CDH12: variants seen among roughly 807,000 people sequenced by gnomAD.
CDH12 encodes cadherin 12.
A neutral mutation model predicts 74.1 loss-of-function variants in CDH12; 41 were observed. The ratio of observed to expected loss-of-function variants is 0.55; its 90% confidence interval spans 0.43 to 0.72. The LOEUF (loss-of-function observed/expected upper bound fraction) is 0.72. Among genes scored for constraint, CDH12 ranks in the 30% least tolerant of loss-of-function variants. The pLI is 0.00. For missense variants in CDH12, 945 were observed against 977.2 expected, an observed-to-expected ratio of 0.97 and a Z score of 0.44; for synonymous variants, 399 against 355.0, an observed-to-expected ratio of 1.12 and a Z score of -1.39.
chr5:22,665,991 C>T (rs1487143058), intron 1 of CDH12, among the ~76,000 whole-genome samples: 1 of 152,124 alleles, frequency 6.6e-6, no homozygotes, highest in Non-Finnish European at 1.5e-5. Context: ...CCAGCCCAGA[C>T]GCTTTCTGCC....
At chr5:22,737,290 T>C (rs4701297) in intron 1 of CDH12, among the ~76,000 whole-genome samples, 43,313 of 151,718 alleles carry the variant, frequency 0.29, 6,518 homozygotes, top group South Asian at 0.35. Flanking sequence ...GAATAATATG[T>C]TTAAATGAAT....
intron 4 of CDH12, among the ~76,000 whole-genome samples, chr5:22,133,102 T>C (rs2067600): frequency 0.66 from 100,690 of 151,994 alleles, 35,432 homozygotes; most frequent in East Asian, 0.88. Context: ...GAGTTAAAGA[T>C]TGATAATAAA....
chr5:22,098,930 G>A (rs951941192), intron 4 of CDH12, among the ~76,000 whole-genome samples: 2 of 151,992 alleles, frequency 1.3e-5, no homozygotes, highest in Non-Finnish European at 2.9e-5. Context: ...CCTTTCCATT[G>A]TAGAAATCTA....
chr5:22,161,553 A>C (rs1002770749), intron 4 of CDH12, among the ~76,000 whole-genome samples: 15 of 152,024 alleles, frequency 9.9e-5, no homozygotes, highest in Non-Finnish European at 1.9e-4. Flanking sequence ...AATAATAATA[A>C]TAAATTGCCA....
chr5:22,146,280 G>A (rs1160475301), intron 4 of CDH12, among the ~76,000 whole-genome samples: 1 of 151,944 alleles, frequency 6.6e-6, no homozygotes, highest in Non-Finnish European at 1.5e-5. Flanking sequence ...AAGCACTCAA[G>A]TAAAAGTCCC....
intron 3 of CDH12, among the ~76,000 whole-genome samples, chr5:22,254,260 G>C (rs1180042587): frequency 6.6e-6 from 1 of 151,778 alleles, no homozygotes; most frequent in Non-Finnish European, 1.5e-5. Flanking sequence ...AAATTTCTTT[G>C]AATTCTTCTT....
In CDH12 at chr5:21,987,143, A is replaced by AT. The variant is rs1312403365; in HGVS notation, c.232-11759dup. On this transcript the variant is annotated intron_variant, in intron 5 of 14. Coordinates refer to ENST00000382254, the MANE Select transcript of CDH12 (RefSeq NM_004061.5). ...CTATTTATGTTTTATTTTCTCCTTT[A>AT]TTTTTTTATTTTAAATACCCTTTTG... Among the ~76,000 whole-genome samples the AT allele has an allele frequency of 1.5e-4, 23 of 151,972 alleles. No homozygotes were observed. The East Asian group carries it at 3.7e-3, about 24-fold the overall frequency.
intron 6 of CDH12, among the ~76,000 whole-genome samples, chr5:21,876,567 C>A (rs964055126): frequency 6.6e-6 from 1 of 152,196 alleles, no homozygotes; most frequent in Non-Finnish European, 1.5e-5. Flanking sequence ...AACATTTCTA[C>A]AATGTTTTCC....
intron 1 of CDH12, among the ~76,000 whole-genome samples, chr5:22,624,062 G>A (rs555780804): frequency 6.6e-6 from 1 of 152,186 alleles, no homozygotes; most frequent in South Asian, 2.1e-4. Context: ...CAAGAAATGG[G>A]GAAAGGATTC....
At chr5:22,668,616 C>T (rs1042887011) in intron 1 of CDH12, among the ~76,000 whole-genome samples, 1 of 152,140 alleles carries the variant, frequency 6.6e-6, no homozygotes, top group African/African-American at 2.4e-5. Flanking sequence ...CTCTCTTCCT[C>T]TTCTTTTAAA....
chr5:21,817,642 A>C (rs1748134814), intron 8 of CDH12, among the ~76,000 whole-genome samples: 1 of 151,932 alleles, frequency 6.6e-6, no homozygotes, highest in Non-Finnish European at 1.5e-5. Context: ...ACTAAAAATA[A>C]CCTGTAAAAT....
At chr5:22,725,209 T>A (rs564688183) in intron 1 of CDH12, among the ~76,000 whole-genome samples, 1 of 152,028 alleles carries the variant, frequency 6.6e-6, no homozygotes, top group East Asian at 1.9e-4. Flanking sequence ...CTCTTTAATT[T>A]AGTGGTTTGT....
At chr5:21,924,626 G>A in intron 6 of CDH12, among the ~76,000 whole-genome samples, 1 of 152,156 alleles carries the variant, frequency 6.6e-6, no homozygotes, top group Middle Eastern at 3.2e-3. Flanking sequence ...ACTTACACTG[G>A]TGAAATGATG....
intron 3 of CDH12, among the ~76,000 whole-genome samples, chr5:22,327,426 CTCTGTGTGTGTGTGTGTGTGTG>C: frequency 7.8e-6 from 1 of 128,288 alleles, no homozygotes; most frequent in South Asian, 2.6e-4. Context: ...AAATTTGTGC[CTCTGTGTGTGTGTGTGTGTGTG>C]TGTGTGTGTG....
At chr5:21,968,873 C>T (rs1756705230) in intron 6 of CDH12, among the ~76,000 whole-genome samples, 2 of 151,784 alleles carry the variant, frequency 1.3e-5, no homozygotes, top group African/African-American at 4.8e-5. Flanking sequence ...CAAAGTAACG[C>T]AGGAACAGAA....
chr5:22,355,385 T>C (rs1740518489), intron 3 of CDH12, among the ~76,000 whole-genome samples: 1 of 152,040 alleles, frequency 6.6e-6, no homozygotes, highest in Non-Finnish European at 1.5e-5. Context: ...GTTCTGAAGT[T>C]CCAATAAAAG....
At chr5:22,246,855 A>G (rs1219047160) in intron 3 of CDH12, among the ~76,000 whole-genome samples, 1 of 152,170 alleles carries the variant, frequency 6.6e-6, no homozygotes, top group Non-Finnish European at 1.5e-5. Context: ...ATTTGGGTCA[A>G]CTTATCTATT....
At chr5:21,862,742 T>C (rs985221630) in intron 6 of CDH12, among the ~76,000 whole-genome samples, 2 of 152,100 alleles carry the variant, frequency 1.3e-5, no homozygotes, top group Admixed American at 6.6e-5. Context: ...AGACAGAAAA[T>C]AGATAAATAT....
chr5:22,440,809 T>A (rs529673558), intron 2 of CDH12, among the ~76,000 whole-genome samples: 1 of 152,154 alleles, frequency 6.6e-6, no homozygotes, highest in African/African-American at 2.4e-5. Context: ...ACCAGGATAA[T>A]CTCCCCACCT....
Sources: gnomAD v4.1 joint callset for allele counts (sites outside exome capture counted in the v4.1 genomes callset) on GRCh38, gnomAD v4.1.1 for gene constraint, MANE v1.5 for transcripts, NCBI Gene and HGNC (gene_info 2026-07-23, HGNC 2026-07-21) for gene names.